DKK3: variants seen among roughly 807,000 people sequenced by gnomAD.
DKK3 encodes dickkopf Wnt signaling pathway inhibitor 3, also known as dickkopf-related protein 3.
A neutral mutation model predicts 33.2 loss-of-function variants in DKK3; 22 were observed. The ratio of observed to expected loss-of-function variants is 0.66; its 90% CI spans 0.47 to 0.95. The LOEUF (loss-of-function observed/expected upper bound fraction) is 0.95. DKK3 is among the 40% of genes least tolerant of loss of function. The probability of loss-of-function intolerance (pLI) is 0.00; values close to 1 mark genes in which losing one functional copy is unlikely to be tolerated. For missense variants in DKK3, 398 were observed against 458.4 expected (o/e 0.87, Z 1.20); for synonymous variants, 194 against 188.8 (o/e 1.03, Z -0.23).
intron 3 of DKK3, among the ~76,000 whole-genome samples, chr11:11,985,065 T>C (rs923068790): frequency 1.3e-5 from 2 of 152,204 alleles, no homozygotes; most frequent in Admixed American, 6.5e-5. Context: ...TGCTTCACTT[T>C]TGTGGGATGG....
intron 3 of DKK3, among the ~76,000 whole-genome samples, chr11:11,982,602 G>A (rs1847978995): frequency 6.6e-6 from 1 of 152,200 alleles, no homozygotes; most frequent in Admixed American, 6.5e-5. Flanking sequence ...TCTGCCCCAG[G>A]CTAATAGTGT....
intron 2 of DKK3, among the ~76,000 whole-genome samples, chr11:11,999,171 A>G (rs1188753285): frequency 2.0e-5 from 3 of 152,194 alleles, no homozygotes; most frequent in Non-Finnish European, 2.9e-5. Flanking sequence ...GTCTAGTTGA[A>G]CATCTTTCAT....
At position 11,998,512 on chromosome 11, in the gene DKK3, G is replaced by A. The variant is rs73421387; in HGVS notation, c.435+184C>T. 6,363 of 663,456 alleles carry A rather than the reference G, an allele frequency of 9.6e-3. 206 individuals are homozygous for A. The highest frequency in any genetic ancestry group is 0.085 in the African/African-American group (4,677 of 54,710). 41.1% of individuals were successfully genotyped at this position (663,456 alleles called of 1,614,324 possible). On this transcript the variant is annotated intron_variant, in intron 3 of 6. Transcript: ENST00000683431. The stretch of plus-strand genomic sequence containing the variant: ...TTTCTGATGCCAAGTGCATGGAGGC[G>A]TAACCTATTACTGGACTACATCTGT...
In DKK3 at chr11:11,967,104, G is replaced by C; in HGVS notation, c.529-6C>G. 6.2e-7 allele frequency: 1 copy of C among 1,612,956 alleles called. No homozygotes were observed. The highest frequency in any genetic ancestry group is 8.5e-7 in the Non-Finnish European group (1 of 1,179,650). ...TCACTGTCCCGGGTGCAGAGCTGCA[G>C]ACAGGTGGAAAGAGCCTAGAGCCAG... On this transcript the variant is annotated splice_region_variant and splice_polypyrimidine_tract_variant and intron_variant, in intron 4 of 6. Transcript: ENST00000683431.
In DKK3 at chr11:11,975,186, C is replaced by A. The variant is rs796288653; in HGVS notation, c.436-6699G>T. On this transcript the variant is annotated intron_variant, in intron 3 of 6. Transcript: ENST00000683431. ...CTAGCAAACTAATACATGCACCTTC[C>A]CCCGATACAAGCCAGCAGCCCCAGT... Among the ~76,000 whole-genome samples, 4 of 152,194 alleles carry A rather than the reference C, an allele frequency of 2.6e-5. No homozygotes were observed. In the South Asian group the frequency reaches 8.3e-4, roughly 32 times the overall value.
intron 3 of DKK3, among the ~76,000 whole-genome samples, chr11:11,974,382 A>T (rs2135014881): frequency 1.3e-5 from 2 of 152,346 alleles, no homozygotes; most frequent in South Asian, 4.1e-4. Context: ...GAGACTGGGT[A>T]ATTTATAATG....
chr11:11,970,953 G>C (rs1415069827), intron 3 of DKK3, among the ~76,000 whole-genome samples: 3 of 151,986 alleles, frequency 2.0e-5, no homozygotes, highest in African/African-American at 7.2e-5. Flanking sequence ...AGCATCAATA[G>C]GAAACTAATA....
At chr11:12,008,705 C>T, upstream of DKK3, 1 of 1,213,400 alleles carries the variant, frequency 8.2e-7, no homozygotes, top group Non-Finnish European at 1.0e-6. This position sits in a 1 kb window ranked among gnomAD's most constrained non-coding sequence, Gnocchi z 4.6. Flanking sequence ...CCCCTGGCGC[C>T]CCTCTTTCCC....
At chr11:11,969,929 G>A (rs550023486) in intron 3 of DKK3, among the ~76,000 whole-genome samples, 9 of 152,322 alleles carry the variant, frequency 5.9e-5, no homozygotes, top group Non-Finnish European at 7.4e-5. Context: ...CCGAGGCTCC[G>A]AGTAGGGTGA....
intron 2 of DKK3, among the ~76,000 whole-genome samples, chr11:12,000,241 G>A (rs1269376296): frequency 6.6e-6 from 1 of 152,140 alleles, no homozygotes; most frequent in Non-Finnish European, 1.5e-5. Flanking sequence ...GTCTTGCTCT[G>A]TCGCCCAGGC....
Position 11,963,398 on chromosome 11 carries a change from T to A in DKK3, c.*1066A>T, listed in dbSNP as rs1034747684. 2.0e-5 allele frequency: 3 copies of A among 152,256 alleles called. No individual in the cohort carries two copies. Among genetic ancestry groups the A allele is most frequent in the African/African-American group, 7.2e-5 (3 of 41,460 alleles). The allele number at this position is 152,256 out of a possible 1,614,324, so 9.4% of individuals were successfully genotyped here. ...GTTGCTGCTAAGTGATTTTGCAAAT[T>A]TCATTTATAATCCTCGCCCTACAAT... On this transcript the variant is annotated 3_prime_UTR_variant, in exon 7 of 7. Transcript: ENST00000683431.
chr11:11,994,596 C>T (rs545456718), intron 3 of DKK3: 6 of 152,176 alleles, frequency 3.9e-5, no homozygotes, highest in African/African-American at 7.2e-5. Flanking sequence ...AATCATAAGC[C>T]CCCAGCGATT....
intron 3 of DKK3, among the ~76,000 whole-genome samples, chr11:11,988,662 G>A (rs1205876699): frequency 6.6e-6 from 1 of 152,208 alleles, no homozygotes; most frequent in Non-Finnish European, 1.5e-5. Flanking sequence ...CATGCCTCTG[G>A]GGAGTCTTTG....
intron 3 of DKK3, among the ~76,000 whole-genome samples, chr11:11,973,331 T>C (rs1037181141): frequency 1.3e-5 from 2 of 152,092 alleles, no homozygotes; most frequent in Non-Finnish European, 2.9e-5. Flanking sequence ...CATTTCTCTC[T>C]CCTCTTCTTC....
chr11:11,973,004 A>T (rs930552286), intron 3 of DKK3, among the ~76,000 whole-genome samples: 1 of 152,170 alleles, frequency 6.6e-6, no homozygotes, highest in African/African-American at 2.4e-5. Context: ...GTAAGGAATG[A>T]GTACCTTGCA....
intron 3 of DKK3, among the ~76,000 whole-genome samples, chr11:11,987,144 C>T (rs973511922): frequency 6.6e-6 from 1 of 152,184 alleles, no homozygotes; most frequent in African/African-American, 2.4e-5. Context: ...TCCCTGCCTC[C>T]CCAGAGTTCA....
intron 3 of DKK3, among the ~76,000 whole-genome samples, chr11:11,968,975 A>T (rs1271437562): frequency 6.6e-6 from 1 of 152,142 alleles, no homozygotes; most frequent in Admixed American, 6.5e-5. Context: ...GCCCACAGAG[A>T]GCGCCCTCAG....
chr11:11,994,932 C>T (rs942370403), intron 3 of DKK3, among the ~76,000 whole-genome samples: 7 of 152,298 alleles, frequency 4.6e-5, no homozygotes, highest in South Asian at 4.1e-4. Context: ...TCACACTTGT[C>T]GGGAACTCCA....
At chr11:11,984,877 C>G (rs371259359) in intron 3 of DKK3, among the ~76,000 whole-genome samples, 2 of 152,100 alleles carry the variant, frequency 1.3e-5, no homozygotes, top group African/African-American at 4.8e-5. Flanking sequence ...TTTCTTTTGC[C>G]CCCAACACTA....
Sources: allele counts gnomAD v4.1 joint callset (sites outside exome capture counted in the v4.1 genomes callset), GRCh38; gene constraint gnomAD v4.1.1; non-coding constraint Gnocchi (gnomAD v3.1); transcripts MANE v1.5; gene names NCBI Gene and HGNC (gene_info 2026-07-23, HGNC 2026-07-21).